EFCAB6: variants seen among roughly 807,000 people sequenced by gnomAD.
EFCAB6 encodes the protein EF-hand calcium binding domain 6, also known as EF-hand calcium-binding domain-containing protein 6.
EFCAB6 carries 156 observed loss-of-function variants against 169.8 expected under a neutral mutation model. The observed-to-expected ratio is 0.92, with a 90% CI of 0.81 to 1.05. The LOEUF (loss-of-function observed/expected upper bound fraction) is 1.05, where lower values mean the gene tolerates loss of function less well. Among genes scored for constraint, EFCAB6 ranks in the 50% least tolerant of loss-of-function variants. EFCAB6 has a pLI of 0.00. For synonymous variants in EFCAB6, 698 were observed against 676.4 expected (o/e 1.03, Z -0.50); for missense variants, 1,800 against 1,829.1 (o/e 0.98, Z 0.29).
intron 6 of EFCAB6, among the ~76,000 whole-genome samples, chr22:43,736,839 C>G (rs143925647): frequency 6.6e-6 from 1 of 152,188 alleles, no homozygotes; most frequent in East Asian, 1.9e-4. Flanking sequence ...CTTGTTATTA[C>G]GAAGGACTGC....
chr22:43,771,708 C>G (rs12628713), intron 4 of EFCAB6, among the ~76,000 whole-genome samples: 1 of 152,116 alleles, frequency 6.6e-6, no homozygotes, highest in Non-Finnish European at 1.5e-5. Flanking sequence ...TGTGGCACAC[C>G]ACCAGGTGGC....
chr22:43,737,832 C>T (rs866994728), intron 6 of EFCAB6, among the ~76,000 whole-genome samples: 5 of 148,852 alleles, frequency 3.4e-5, no homozygotes, highest in Admixed American at 2.0e-4. Context: ...CACACCATTA[C>T]TCACACACAT....
chr22:43,730,439 G>C (rs1214359304), intron 8 of EFCAB6, among the ~76,000 whole-genome samples: 7 of 151,012 alleles, frequency 4.6e-5, no homozygotes, highest in Non-Finnish European at 8.9e-5. Context: ...CATATTGAAG[G>C]GGGAGATGTG....
At chr22:43,622,354 C>T (rs376248198) in intron 20 of EFCAB6, among the ~76,000 whole-genome samples, 2 of 152,168 alleles carry the variant, frequency 1.3e-5, no homozygotes, top group South Asian at 2.1e-4. Flanking sequence ...CACTTGAGGT[C>T]AGGAGTTCGA....
chr22:43,576,220 TA>T, intron 26 of EFCAB6, 76 bp downstream of exon 26: 1 of 1,288,882 alleles, frequency 7.8e-7, no homozygotes, highest in Non-Finnish European at 1.1e-6. Context: ...GATATGGTTC[TA>T]ATCAATTATC....
chr22:43,782,982 C>T (rs888769493), intron 2 of EFCAB6, among the ~76,000 whole-genome samples: 4 of 152,318 alleles, frequency 2.6e-5, no homozygotes, highest in Middle Eastern at 6.8e-3. Flanking sequence ...TGAAAACCAT[C>T]AGCCTGCAAT....
chr22:43,634,625 C>T (rs1025382295), intron 18 of EFCAB6, among the ~76,000 whole-genome samples: 3 of 146,550 alleles, frequency 2.0e-5, no homozygotes, highest in Non-Finnish European at 4.4e-5. Context: ...AGTGGAGAGG[C>T]GGCCCCAGGA....
intron 8 of EFCAB6, among the ~76,000 whole-genome samples, chr22:43,727,251 T>A (rs1221652427): frequency 6.6e-6 from 1 of 152,082 alleles, no homozygotes; most frequent in African/African-American, 2.4e-5. Flanking sequence ...GACAGTGAGA[T>A]GCCATCTCCA....
intron 15 of EFCAB6, among the ~76,000 whole-genome samples, chr22:43,670,350 G>C (rs1469469716): frequency 6.6e-6 from 1 of 152,192 alleles, no homozygotes; most frequent in Non-Finnish European, 1.5e-5. Context: ...GAGACCAAAA[G>C]TGCTGAGAAC....
chr22:43,733,716 C>A (rs73888091), intron 7 of EFCAB6, among the ~76,000 whole-genome samples: 6 of 152,158 alleles, frequency 3.9e-5, no homozygotes, highest in African/African-American at 1.4e-4. Context: ...TCAGTCCCCC[C>A]TTTTTTTCTT....
At chr22:43,634,776 C>T (rs1444561868) in intron 18 of EFCAB6, among the ~76,000 whole-genome samples, 1 of 152,124 alleles carries the variant, frequency 6.6e-6, no homozygotes, top group African/African-American at 2.4e-5. Context: ...GTATTGTTAA[C>T]TACAGATAAC....
At chr22:43,629,451 T>G (rs970715014) in intron 19 of EFCAB6, among the ~76,000 whole-genome samples, 1 of 152,228 alleles carries the variant, frequency 6.6e-6, no homozygotes, top group Non-Finnish European at 1.5e-5. Flanking sequence ...AGGCCCTGTG[T>G]GTGGCCCTCC....
chr22:43,529,601 C>T (rs901290899), intron 31 of EFCAB6, among the ~76,000 whole-genome samples: 1 of 152,148 alleles, frequency 6.6e-6, no homozygotes, highest in African/African-American at 2.4e-5. Context: ...AGGAAGCCTC[C>T]TTTAAAGGAG....
chr22:43,760,812 G>A (rs754559296), intron 5 of EFCAB6, among the ~76,000 whole-genome samples: 6 of 152,214 alleles, frequency 3.9e-5, no homozygotes, highest in South Asian at 2.1e-4. Context: ...ACAGGCACGC[G>A]CCACCACATG....
rs2057525819 is a variant in EFCAB6, at chr22:43,672,254, A to G, written c.1471T>C (p.Trp491Arg). ...TDAKTPFLLAWDSVEEIVHDT... is the reference protein window; with the variant it reads ...TDAKTPFLLARDSVEEIVHDT... Reference sequence around the variant, plus strand: ...AGGCAAGTGTTACTTACTGAATCCCAGGCCAGGAGGAAAGGTGTCTTAGCA... The same window carrying G: ...AGGCAAGTGTTACTTACTGAATCCCGGGCCAGGAGGAAAGGTGTCTTAGCA... Residue 491 changes from tryptophan to arginine, a missense_variant, in exon 14 of 32, where the codon TGG becomes CGG. Coordinates refer to ENST00000262726, the MANE Select transcript of EFCAB6 (RefSeq NM_022785.4). The G allele has an allele frequency of 1.2e-6, 2 of 1,614,084 alleles. No individual in the cohort carries two copies. Among genetic ancestry groups the G allele is most frequent in the South Asian group, 2.2e-5 (2 of 91,090 alleles).
chr22:43,703,663 T>G (rs1204072643), intron 10 of EFCAB6, among the ~76,000 whole-genome samples: 1 of 151,446 alleles, frequency 6.6e-6, no homozygotes, highest in Admixed American at 6.6e-5. Flanking sequence ...TAGAAACAAT[T>G]TTTTTAAAAC....
Position 43,572,328 on chromosome 22 carries a change from C to A in EFCAB6, c.3420+3969G>T, listed in dbSNP as rs1442708948. On this transcript the variant is annotated intron_variant, in intron 26 of 31. Transcript: ENST00000262726. This position sits in a 1 kb window ranked among gnomAD's most constrained non-coding sequence, Gnocchi z 4.0. Reference sequence around the variant, plus strand: ...CTTGGTCCAGCAATTCCAGGATCAGCAGAGGCTCCTTGTGACTCGTGCATG... The same window carrying A: ...CTTGGTCCAGCAATTCCAGGATCAGAAGAGGCTCCTTGTGACTCGTGCATG... Among the ~76,000 whole-genome samples, 1 of 152,198 alleles carries A rather than the reference C, an allele frequency of 6.6e-6. No homozygotes were observed. Among genetic ancestry groups the A allele is most frequent in the Non-Finnish European group, 1.5e-5 (1 of 68,026 alleles).
At chr22:43,655,649 A>C (rs1329551918) in intron 17 of EFCAB6, among the ~76,000 whole-genome samples, 1 of 152,220 alleles carries the variant, frequency 6.6e-6, no homozygotes, top group East Asian at 1.9e-4. Flanking sequence ...CCAACTATAT[A>C]GATAATTAAA....
chr22:43,666,899 C>T (rs2057286335), intron 17 of EFCAB6, among the ~76,000 whole-genome samples: 2 of 151,850 alleles, frequency 1.3e-5, no homozygotes, highest in African/African-American at 4.8e-5. Context: ...CAAAAGCTGG[C>T]CACATCCATA....
Sources: allele counts gnomAD v4.1 joint callset (sites outside exome capture counted in the v4.1 genomes callset), GRCh38; gene constraint gnomAD v4.1.1; non-coding constraint Gnocchi (gnomAD v3.1); transcripts MANE v1.5; gene names NCBI Gene and HGNC (gene_info 2026-07-23, HGNC 2026-07-21).